The following NSMCE2 variants were observed in gnomAD, a reference collection of about 807,000 sequenced individuals.
NSMCE2 encodes the protein E3 SUMO-protein ligase NSE2.
NSMCE2 carries 24 observed loss-of-function variants against 23.8 expected under a neutral mutation model. The observed-to-expected ratio is 1.01, with a 90% CI of 0.73 to 1.42. NSMCE2 has a LOEUF of 1.42. Ranked by LOEUF, NSMCE2 falls within the 40% of genes most tolerant of loss-of-function variation. NSMCE2 has a pLI of 0.00. For synonymous variants in NSMCE2, 92 were observed against 94.1 expected (o/e 0.98, Z 0.13); for missense variants, 284 against 296.5 (o/e 0.96, Z 0.31).
chr8:125,209,409 GAC>G (rs144209345), intron 5 of NSMCE2, among the ~76,000 whole-genome samples: 2,413 of 152,204 alleles, frequency 0.016, 27 homozygotes, highest in Middle Eastern at 0.044. Flanking sequence ...TCCTAAATTT[GAC>G]AGGTAAATTT....
chr8:125,156,006 G>A (rs1474442593), intron 4 of NSMCE2: 1 of 450,920 alleles, frequency 2.2e-6, no homozygotes, highest in African/African-American at 2.0e-5. Context: ...TCAGCTAGGT[G>A]TGGTGGCGCA....
At chr8:125,152,786 G>A (rs1483002138) in intron 4 of NSMCE2, among the ~76,000 whole-genome samples, 5 of 152,006 alleles carry the variant, frequency 3.3e-5, no homozygotes, top group Admixed American at 2.0e-4. Context: ...GGCTGGGCGC[G>A]GTAGCTCACG....
At chr8:125,126,908 TTCTTATTTTA>T (rs1819544862) in intron 3 of NSMCE2, 2 of 152,222 alleles carry the variant, frequency 1.3e-5, no homozygotes, top group Non-Finnish European at 2.9e-5. Context: ...GCACACAGCG[TTCTTATTTTA>T]TCTGTCAGTT....
intron 5 of NSMCE2, among the ~76,000 whole-genome samples, chr8:125,274,262 C>CT (rs923099847): frequency 1.3e-5 from 2 of 152,040 alleles, no homozygotes. Flanking sequence ...CAAAAAAAAA[C>CT]TTTTTAACTT....
chr8:125,139,538 T>C (rs562869261), intron 3 of NSMCE2, among the ~76,000 whole-genome samples: 3 of 151,920 alleles, frequency 2.0e-5, no homozygotes, highest in Admixed American at 6.6e-5. Context: ...GGCAAAGGAG[T>C]AGCAGAGTCA....
chr8:125,172,543 A>G (rs993842901), intron 4 of NSMCE2, among the ~76,000 whole-genome samples: 1 of 152,212 alleles, frequency 6.6e-6, no homozygotes, highest in Non-Finnish European at 1.5e-5. Context: ...AGGGGGAATG[A>G]TACATCTTAC....
intron 5 of NSMCE2, among the ~76,000 whole-genome samples, chr8:125,187,151 G>GA (rs1823144432): frequency 6.6e-6 from 1 of 152,272 alleles, no homozygotes; most frequent in East Asian, 1.9e-4. Context: ...TTAGCAGACG[G>GA]AAGACTTGGA....
At chr8:125,293,762 A>G (rs1019460768) in intron 5 of NSMCE2, among the ~76,000 whole-genome samples, 2 of 152,206 alleles carry the variant, frequency 1.3e-5, no homozygotes, top group East Asian at 1.9e-4. Context: ...TATATCTCCT[A>G]CTATCTGATG....
intron 5 of NSMCE2, among the ~76,000 whole-genome samples, chr8:125,265,537 G>A (rs1304809238): frequency 3.3e-5 from 5 of 152,104 alleles, no homozygotes; most frequent in Admixed American, 1.3e-4. Flanking sequence ...ATTAACTTTG[G>A]TTTTTAAATT....
chr8:125,273,090 C>T (rs969548567), intron 5 of NSMCE2, among the ~76,000 whole-genome samples: 3 of 152,164 alleles, frequency 2.0e-5, no homozygotes, highest in Non-Finnish European at 4.4e-5. Flanking sequence ...GTTGCTGTTA[C>T]TTTTATTCTC....
At chr8:125,330,177 C>CT (rs34345598) in intron 5 of NSMCE2, among the ~76,000 whole-genome samples, 55,113 of 118,046 alleles carry the variant, frequency 0.47, 13,210 homozygotes, top group Middle Eastern at 0.56. Context: ...TTTCTTTTTT[C>CT]TTTCTTTTTT....
At chr8:125,255,900 C>T (rs1325418692) in intron 5 of NSMCE2, among the ~76,000 whole-genome samples, 1 of 151,934 alleles carries the variant, frequency 6.6e-6, no homozygotes, top group Non-Finnish European at 1.5e-5. Context: ...GACAATGAGG[C>T]CTAAATTAAG....
intron 3 of NSMCE2, among the ~76,000 whole-genome samples, chr8:125,113,916 G>T (rs1818878911): frequency 6.6e-6 from 1 of 152,142 alleles, no homozygotes; most frequent in African/African-American, 2.4e-5. Flanking sequence ...GGAGTAGTGT[G>T]ACAACTACTT....
intron 5 of NSMCE2, among the ~76,000 whole-genome samples, chr8:125,265,691 T>C (rs900271136): frequency 1.3e-5 from 2 of 152,206 alleles, no homozygotes; most frequent in African/African-American, 4.8e-5. Context: ...ATATGACTTG[T>C]AAGAAGCAGA....
intron 5 of NSMCE2, among the ~76,000 whole-genome samples, chr8:125,190,559 T>C (rs749103986): frequency 6.6e-6 from 1 of 152,230 alleles, no homozygotes; most frequent in Non-Finnish European, 1.5e-5. Context: ...TTAATTCAAA[T>C]TAAAGGATTG....
At chr8:125,271,903 T>G (rs915575663) in intron 5 of NSMCE2, among the ~76,000 whole-genome samples, 3 of 152,140 alleles carry the variant, frequency 2.0e-5, no homozygotes, top group African/African-American at 7.2e-5. Flanking sequence ...AGTTTATAGG[T>G]GGGGATTATT....
chr8:125,361,316 C>A (rs1410550056), intron 7 of NSMCE2, among the ~76,000 whole-genome samples: 1 of 152,174 alleles, frequency 6.6e-6, no homozygotes, highest in Non-Finnish European at 1.5e-5. Flanking sequence ...GATCTGCCCA[C>A]CTTGGCCTCC....
At chr8:125,108,868 A>G (rs1292719193) in intron 3 of NSMCE2, among the ~76,000 whole-genome samples, 3 of 152,356 alleles carry the variant, frequency 2.0e-5, no homozygotes, top group South Asian at 2.1e-4. Context: ...TTGTTATTCA[A>G]TCATTAAGTG....
At chr8:125,355,105 A>C (rs1448378342) in intron 5 of NSMCE2, among the ~76,000 whole-genome samples, 1 of 152,198 alleles carries the variant, frequency 6.6e-6, no homozygotes, top group African/African-American at 2.4e-5. Context: ...CCGAAATCCG[A>C]AACACTTCTG....
Sources: gnomAD v4.1 joint callset for allele counts (sites outside exome capture counted in the v4.1 genomes callset) on GRCh38, gnomAD v4.1.1 for gene constraint, MANE v1.5 for transcripts, NCBI Gene and HGNC (gene_info 2026-07-23, HGNC 2026-07-21) for gene names.